ATAD5: variants seen among roughly 807,000 people sequenced by gnomAD.
ATAD5 encodes the protein ATPase family AAA domain-containing protein 5.
A neutral mutation model predicts 176.9 loss-of-function variants in ATAD5; 58 were observed. That is an observed-to-expected ratio of 0.33 (90% confidence interval 0.27 to 0.41). The LOEUF (loss-of-function observed/expected upper bound fraction) is 0.41. Ranked by LOEUF, ATAD5 falls within the 10% of genes least tolerant of loss-of-function variation. The pLI, the probability that ATAD5 is intolerant of heterozygous loss-of-function variation, is 1.00. For missense variants in ATAD5, 1,789 were observed against 2,094.1 expected, an observed-to-expected ratio of 0.85 and a Z score of 2.84; for synonymous variants, 640 against 712.6, an observed-to-expected ratio of 0.90 and a Z score of 1.62.
chr17:30,889,684 T>C (rs1282246716), intron 19 of ATAD5, among the ~76,000 whole-genome samples: 1 of 151,998 alleles, frequency 6.6e-6, no homozygotes, highest in Non-Finnish European at 1.5e-5. Context: ...GGTTAAGACA[T>C]GGTTCCTTGC....
chr17:30,873,734 A>G (rs2142408262), intron 14 of ATAD5, among the ~76,000 whole-genome samples: 1 of 138,062 alleles, frequency 7.2e-6, no homozygotes, highest in South Asian at 2.3e-4. Flanking sequence ...CTCTGTTGCC[A>G]AGGTTGGATT....
chr17:30,835,181 G>T lies in ATAD5; in HGVS notation c.1100G>T (p.Arg367Ile), dbSNP rs1305185526. 1.2e-6 allele frequency: 2 copies of T among 1,613,924 alleles called. No homozygotes were observed. Among genetic ancestry groups the T allele is most frequent in the East Asian group, 4.5e-5 (2 of 44,874 alleles). The change falls in exon 2 of 23, where the codon AGA becomes ATA. Residue 367 changes from arginine to isoleucine, a missense_variant. By Grantham distance (97) the Arg-to-Ile change is moderately conservative (BLOSUM62 -3). This residue lies in a region of ATAD5 where 696 missense variants were observed against 712.5 expected (regional missense o/e 0.98). Coordinates refer to ENST00000321990, the MANE Select transcript of ATAD5 (RefSeq NM_024857.5). Reference protein sequence around the residue: ...DPENEQTVQKRKSNVVIQEEE... With the variant: ...DPENEQTVQKIKSNVVIQEEE... ...GAGAATGAACAGACAGTTCAGAAAAGAAAATCTAATGTTGTTATACAGGAG... is the reference window on the plus strand; with the variant it reads ...GAGAATGAACAGACAGTTCAGAAAATAAAATCTAATGTTGTTATACAGGAG...
At chr17:30,878,737 T>G (rs866139215) in intron 17 of ATAD5, among the ~76,000 whole-genome samples, 4 of 120,684 alleles carry the variant, frequency 3.3e-5, no homozygotes, top group African/African-American at 1.2e-4. Flanking sequence ...TTTTTTTTTT[T>G]TTTTTTTTTT....
chr17:30,875,155 G>A (rs191700082), intron 14 of ATAD5, among the ~76,000 whole-genome samples: 45 of 152,204 alleles, frequency 3.0e-4, no homozygotes, highest in African/African-American at 1.0e-3. Context: ...GATGGTATGT[G>A]AGGAAGATCC....
intron 19 of ATAD5, among the ~76,000 whole-genome samples, chr17:30,890,516 G>A (rs530375440): frequency 3.3e-5 from 5 of 149,642 alleles, no homozygotes; most frequent in African/African-American, 1.2e-4. Context: ...CTGCCTCCTG[G>A]GTTCAAGGGA....
At position 30,835,186 on chromosome 17, in the gene ATAD5, T is replaced by A; in HGVS notation, c.1105T>A (p.Ser369Thr). The part of the protein sequence containing the change: ...ENEQTVQKRK[S>T]NVVIQEEELE... Reference sequence around the variant, plus strand: ...TGAACAGACAGTTCAGAAAAGAAAATCTAATGTTGTTATACAGGAGGAAGA... The same window carrying A: ...TGAACAGACAGTTCAGAAAAGAAAAACTAATGTTGTTATACAGGAGGAAGA... The change falls in exon 2 of 23, where the codon TCT becomes ACT. Residue 369 changes from serine to threonine, a missense_variant. Physicochemically the swap from Ser to Thr is moderately conservative, Grantham distance 58. This residue lies in a region of ATAD5 where 696 missense variants were observed against 712.5 expected (regional missense o/e 0.98). Coordinates refer to ENST00000321990, the MANE Select transcript of ATAD5 (RefSeq NM_024857.5). 6.2e-7 allele frequency: 1 copy of A among 1,613,868 alleles called. No individual in the cohort carries two copies. Among genetic ancestry groups the A allele is most frequent in the Non-Finnish European group, 8.5e-7 (1 of 1,179,932 alleles).
chr17:30,832,686 T>C lies in ATAD5; in HGVS notation c.66+273T>C, dbSNP rs540559063. On this transcript the variant is annotated intron_variant, in intron 1 of 22. Transcript: ENST00000321990. ...CGGCCAGTTCCCAGATCCCGAAATG[T>C]TGGTGGAACGTGATGTTTTGGACTT... 7.2e-5 allele frequency among the ~76,000 whole-genome samples: 11 copies of C among 152,210 alleles called. No homozygotes were observed. In the East Asian group the frequency reaches 1.7e-3, roughly 24 times the overall value.
chr17:30,869,257 G>A lies in ATAD5; in HGVS notation c.3323G>A (p.Gly1108Asp), dbSNP rs199612678. 2 of 1,598,016 alleles carry A rather than the reference G, an allele frequency of 1.3e-6. No homozygotes were observed. The highest frequency in any genetic ancestry group is 4.5e-5 in the East Asian group (2 of 44,814). Residue 1108 changes from glycine (G) to aspartate (D), a missense_variant, in exon 13 of 23, where the codon GGT becomes GAT. By Grantham distance (94) the Gly-to-Asp change is moderately conservative (BLOSUM62 -1). Coordinates refer to ENST00000321990, the MANE Select transcript of ATAD5 (RefSeq NM_024857.5). ...KRDEKHEDFS[G>D]GIDFKGSSDD... ...TTGAATAATTTTTCAGATTTCTCGGGTGGCATAGACTTTAAAGGCAGTTCA... is the reference window on the plus strand; with the variant it reads ...TTGAATAATTTTTCAGATTTCTCGGATGGCATAGACTTTAAAGGCAGTTCA...
chr17:30,886,372 TTTTATTTATTTA>T (rs138195442), intron 18 of ATAD5, among the ~76,000 whole-genome samples: 4,906 of 146,528 alleles, frequency 0.033, 130 homozygotes, highest in Non-Finnish European at 0.05. Context: ...AATTGAATTA[TTTTATTTATTTA>T]TTTATTTATT....
At chr17:30,877,726 A>T (rs998536368) in intron 16 of ATAD5, among the ~76,000 whole-genome samples, 177 bp downstream of exon 16, 2 of 152,208 alleles carry the variant, frequency 1.3e-5, no homozygotes, top group Admixed American at 1.3e-4. Context: ...CAGGAAGATG[A>T]TTAATGTAAT....
chr17:30,844,944 C>G (rs1432420275), intron 6 of ATAD5, 28 bp downstream of exon 6: 2 of 1,508,274 alleles, frequency 1.3e-6, no homozygotes, highest in African/African-American at 1.4e-5. Context: ...TTTTAAATGC[C>G]AAAATATTTT....
At chr17:30,891,417 G>A (rs888386987) in intron 19 of ATAD5, among the ~76,000 whole-genome samples, 4 of 152,102 alleles carry the variant, frequency 2.6e-5, no homozygotes, top group African/African-American at 9.7e-5. Context: ...AGTCGCCCAG[G>A]CCAGAGTACA....
At chr17:30,874,309 G>A (rs750484061) in intron 14 of ATAD5, among the ~76,000 whole-genome samples, 3 of 151,960 alleles carry the variant, frequency 2.0e-5, no homozygotes, top group Admixed American at 2.0e-4. Context: ...TTGGGAGGCT[G>A]AGGTGGGCGG....
chr17:30,882,270 T>A (rs950395586), intron 18 of ATAD5, among the ~76,000 whole-genome samples: 2 of 138,788 alleles, frequency 1.4e-5, no homozygotes, highest in Non-Finnish European at 3.1e-5. Context: ...AAAAAAAAAA[T>A]TGTCTAAACA....
At chr17:30,832,515 G>T in intron 1 of ATAD5, 102 bp downstream of exon 1, 1 of 1,223,796 alleles carries the variant, frequency 8.2e-7, no homozygotes, top group South Asian at 2.1e-5. Flanking sequence ...AAGGGGAAAG[G>T]TGGGACATTG....
At chr17:30,871,981 G>T (rs1908364537) in intron 14 of ATAD5, among the ~76,000 whole-genome samples, 1 of 152,174 alleles carries the variant, frequency 6.6e-6, no homozygotes, top group Admixed American at 6.6e-5. Flanking sequence ...GAGTGGAGTG[G>T]CACGATTATG....
intron 10 of ATAD5, 91 bp from the exon 11 acceptor site, chr17:30,865,613 G>T: frequency 1.4e-6 from 1 of 711,624 alleles, no homozygotes; most frequent in Non-Finnish European, 2.2e-6. Context: ...AATACCTACT[G>T]TGACATTGTA....
chr17:30,835,720 G>T lies in ATAD5; in HGVS notation c.1639G>T (p.Asp547Tyr). The T allele has an allele frequency of 6.2e-7, 1 of 1,610,604 alleles. No individual in the cohort carries two copies. The highest frequency in any genetic ancestry group is 8.5e-7 in the Non-Finnish European group (1 of 1,179,086). Residue 547 changes from aspartate to tyrosine, a missense_variant, in exon 2 of 23, where the codon GAT becomes TAT. Physicochemically the swap from Asp to Tyr is radical, Grantham distance 160. This residue lies in a region of ATAD5 where 696 missense variants were observed against 712.5 expected (regional missense o/e 0.98). Coordinates refer to ENST00000321990, the MANE Select transcript of ATAD5 (RefSeq NM_024857.5). ...ESLVYEDIAN[D>Y]DLLKVSSLCN... ...TCTTGTTTATGAAGATATAGCAAAT[G>T]ATGACCTTCTAAAGGTTTCCTCTCT...
chr17:30,847,327 T>TATATATATAG (rs918823567), intron 6 of ATAD5, among the ~76,000 whole-genome samples: 3 of 150,464 alleles, frequency 2.0e-5, no homozygotes, highest in African/African-American at 7.3e-5. Flanking sequence ...TATATATATA[T>TATATATATAG]AGAGAGAGAG....
Sources: allele counts gnomAD v4.1 joint callset (sites outside exome capture counted in the v4.1 genomes callset), GRCh38; gene constraint gnomAD v4.1.1; regional missense constraint gnomAD v4.1.1; transcripts MANE v1.5; gene names NCBI Gene and HGNC (gene_info 2026-07-23, HGNC 2026-07-21).